Variants in TRAF2 observed in about 807,000 individuals in gnomAD.
The protein encoded by TRAF2 is TNF receptor associated factor 2.
Under a neutral mutation model 55.6 loss-of-function variants are expected in TRAF2, and 6 were observed. The observed-to-expected ratio is 0.11, with a 90% confidence interval of 0.06 to 0.21. The LOEUF (loss-of-function observed/expected upper bound fraction) is 0.21. Among genes scored for constraint, TRAF2 ranks in the 10% least tolerant of loss-of-function variants. The pLI, the probability that TRAF2 is intolerant of heterozygous loss-of-function variation, is 1.00. For missense variants in TRAF2, 561 were observed against 684.5 expected (o/e 0.82, Z 2.01); for synonymous variants, 329 against 276.3 (o/e 1.19, Z -1.89).
At chr9:136,923,274 C>G (rs1303160639) in intron 9 of TRAF2, among the ~76,000 whole-genome samples, 1 of 152,160 alleles carries the variant, frequency 6.6e-6, no homozygotes, top group Admixed American at 6.5e-5. Flanking sequence ...TGTGGCTCTG[C>G]TCATCTTCTT....
chr9:136,914,448 G>GAT (rs1244174904), intron 6 of TRAF2, among the ~76,000 whole-genome samples: 4 of 152,218 alleles, frequency 2.6e-5, no homozygotes, highest in African/African-American at 9.6e-5. Flanking sequence ...TGTGGCTCAA[G>GAT]ATGGGGGGTG....
At chr9:136,898,196 C>CT (rs1849730176) in intron 1 of TRAF2, among the ~76,000 whole-genome samples, 1 of 152,238 alleles carries the variant, frequency 6.6e-6, no homozygotes, top group South Asian at 2.1e-4. Context: ...GGTCTGGCGG[C>CT]ATGGCTCTCT....
rs1172447593 is a variant in TRAF2, at chr9:136,926,463, C to G, written c.*562C>G. 1.1e-5 allele frequency: 2 copies of G among 178,278 alleles called. No homozygotes were observed. Among genetic ancestry groups the G allele is most frequent in the African/African-American group, 7.8e-5 (2 of 25,734 alleles). 11.0% of individuals were successfully genotyped at this position (178,278 alleles called of 1,614,324 possible). A position where few individuals can be genotyped will look rare whatever the true frequency, so the allele number is the denominator to read the frequency against. Reference sequence around the variant, plus strand: ...AGAGCTCTGGTCTGTGCCACCTTGGCCAGGCTGGCTGTGGGAGAGGGTCTG... The same window carrying G: ...AGAGCTCTGGTCTGTGCCACCTTGGGCAGGCTGGCTGTGGGAGAGGGTCTG... On this transcript the variant is annotated 3_prime_UTR_variant, in exon 11 of 11. Coordinates refer to ENST00000247668, the MANE Select transcript of TRAF2 (RefSeq NM_021138.4).
chr9:136,890,383 TATG>T (rs1444777093), intron 1 of TRAF2: 1 of 152,258 alleles, frequency 6.6e-6, no homozygotes, highest in Non-Finnish European at 1.5e-5. Flanking sequence ...TCACGTCTCT[TATG>T]ATACGTACAG....
chr9:136,898,953 G>A, intron 2 of TRAF2, 25 bp downstream of exon 2: 1 of 1,576,614 alleles, frequency 6.3e-7, no homozygotes, highest in South Asian at 1.1e-5. Flanking sequence ...CAGGCTGGGA[G>A]GAGGGGCAGG....
rs997077636 is a variant in TRAF2, at chr9:136,908,095, T to G, written c.392T>G (p.Leu131Arg). 3.7e-6 allele frequency: 6 copies of G among 1,605,780 alleles called. No individual in the cohort carries two copies. The highest frequency in any genetic ancestry group is 5.1e-6 in the Non-Finnish European group (6 of 1,179,760). Residue 131 changes from leucine to arginine, a missense_variant, in exon 5 of 11, where the codon CTC (leucine) becomes CGC (arginine). Leu to Arg is a moderately radical substitution (Grantham distance 102, BLOSUM62 -2). Around this residue, in one of 2 missense-constraint regions of TRAF2, gnomAD observed 426 missense variants for 476.8 expected, o/e 0.89. Transcript: ENST00000247668. ...YESCHEGRCP[L>R]MLTECPACKG... ...AGCTGCCACGAAGGCCGCTGCCCGC[T>G]CATGCTGACCGAATGTCCCGCGTGC... is the stretch of plus-strand genomic sequence containing the variant.
At chr9:136,902,695 CCT>C (rs1849849486) in intron 4 of TRAF2, among the ~76,000 whole-genome samples, 1 of 152,178 alleles carries the variant, frequency 6.6e-6, no homozygotes, top group Non-Finnish European at 1.5e-5. Context: ...GTTGATAAAA[CCT>C]CTCACTGGCT....
Position 136,908,204 on chromosome 9 carries a change from G to A in TRAF2, c.501G>A (p.Arg167=). 1 of 1,597,894 alleles carries A rather than the reference G, an allele frequency of 6.3e-7. No homozygotes were observed. The highest frequency in any genetic ancestry group is 1.1e-5 in the South Asian group (1 of 90,858). ...GAAGCCTGAGCTGCCGGCATTGCCG[G>A]GCACCCTGCTGCGGAGCAGACGTGA... is the stretch of plus-strand genomic sequence containing the variant. The part of the protein sequence containing the change: ...PERSLSCRHC[R]APCCGADVKA... Residue 167 remains arginine (R), a synonymous_variant, in exon 5 of 11, where the codon CGG becomes CGA. Transcript: ENST00000247668.
chr9:136,896,914 A>G (rs1235587724), intron 1 of TRAF2, among the ~76,000 whole-genome samples: 3 of 152,124 alleles, frequency 2.0e-5, no homozygotes, highest in Admixed American at 2.0e-4. Context: ...GTTGAGAGGG[A>G]GACAGACCTC....
intron 3 of TRAF2, among the ~76,000 whole-genome samples, chr9:136,900,113 G>A (rs56079415): frequency 0.061 from 9,127 of 150,464 alleles, 359 homozygotes; most frequent in Non-Finnish European, 0.091. Context: ...GTTGCAGTGA[G>A]CCAAGATCGC....
intron 1 of TRAF2, among the ~76,000 whole-genome samples, chr9:136,894,529 C>T (rs999190546): frequency 5.3e-5 from 8 of 151,736 alleles, no homozygotes; most frequent in Admixed American, 2.6e-4. Flanking sequence ...GGACCAGCAC[C>T]GGGGCTCTTC....
intron 4 of TRAF2, among the ~76,000 whole-genome samples, chr9:136,901,629 A>G (rs1564409492): frequency 6.6e-6 from 1 of 152,184 alleles, no homozygotes; most frequent in Admixed American, 6.5e-5. Flanking sequence ...CGAGTCATAC[A>G]TTGGAATGAG....
chr9:136,885,456 T>C (rs1554777388), upstream of TRAF2, among the ~76,000 whole-genome samples: 2 of 152,176 alleles, frequency 1.3e-5, no homozygotes, highest in Admixed American at 6.5e-5. Context: ...GCCTCCCCCA[T>C]GCAGCCCACA....
intron 1 of TRAF2, 22 bp from the exon 2 acceptor site, chr9:136,898,684 GGTGTAAC>G (rs756241847): frequency 1.9e-6 from 3 of 1,608,402 alleles, no homozygotes; most frequent in Non-Finnish European, 2.5e-6. Context: ...CTGGAATTGA[GGTGTAAC>G]GTGCTGTGTG....
At chr9:136,922,612 CGAGGATGGG>C in intron 9 of TRAF2, 1 of 133,718 alleles carries the variant, frequency 7.5e-6, no homozygotes, top group Middle Eastern at 3.8e-3. Flanking sequence ...CGGTGGAGGA[CGAGGATGGG>C]GAGGATGGGC....
intron 6 of TRAF2, among the ~76,000 whole-genome samples, chr9:136,911,128 T>C (rs1427269133): frequency 6.6e-6 from 1 of 152,200 alleles, no homozygotes; most frequent in Admixed American, 6.5e-5. Flanking sequence ...GGTGATTCTT[T>C]CCTTGAGACT....
rs373483375 is a variant in TRAF2 at position 136,908,085 on chromosome 9, C to A, written c.382C>A (p.Arg128Ser). 2 of 1,603,686 alleles carry A rather than the reference C, an allele frequency of 1.2e-6. No homozygotes were observed. The change falls in exon 5 of 11, where the codon CGC becomes AGC. Residue 128 changes from arginine (R) to serine (S), a missense_variant. By Grantham distance (110) the Arg-to-Ser change is moderately radical. Coordinates refer to ENST00000247668, the MANE Select transcript of TRAF2 (RefSeq NM_021138.4). The stretch of plus-strand genomic sequence containing the variant: ...TCGTTGCTAGAGCTGCCACGAAGGC[C>A]GCTGCCCGCTCATGCTGACCGAATG... ...LKEYESCHEG[R>S]CPLMLTECPA...
intron 1 of TRAF2, among the ~76,000 whole-genome samples, chr9:136,894,430 A>G (rs1184052828): frequency 4.6e-5 from 7 of 152,086 alleles, no homozygotes; most frequent in Non-Finnish European, 5.9e-5. Flanking sequence ...GTTGGAGGCA[A>G]GTCTCGGAAG....
chr9:136,907,584 C>T (rs1849984423), intron 4 of TRAF2, among the ~76,000 whole-genome samples: 1 of 152,224 alleles, frequency 6.6e-6, no homozygotes, highest in Admixed American at 6.5e-5. Context: ...CGCATGCTAT[C>T]TCCCGTGCGT....
Sources: allele counts gnomAD v4.1 joint callset (sites outside exome capture counted in the v4.1 genomes callset), GRCh38; gene constraint gnomAD v4.1.1; regional missense constraint gnomAD v4.1.1; transcripts MANE v1.5; gene names NCBI Gene and HGNC (gene_info 2026-07-23, HGNC 2026-07-21).